The following PSME3IP1 variants were observed in gnomAD, a reference collection of about 807,000 sequenced individuals.
The protein encoded by PSME3IP1 is PSME3-interacting protein.
A neutral mutation model predicts 34.1 loss-of-function variants in PSME3IP1; 13 were observed. The observed-to-expected ratio is 0.38, with a 90% CI of 0.25 to 0.61. The LOEUF is 0.61. Among genes scored for constraint, PSME3IP1 ranks in the 20% least tolerant of loss-of-function variants. The probability of loss-of-function intolerance (pLI) is 0.60; values close to 1 mark genes in which losing one functional copy is unlikely to be tolerated. For missense variants in PSME3IP1, 237 were observed against 301.4 expected, an observed-to-expected ratio of 0.79 and a Z score of 1.58; for synonymous variants, 93 against 114.3, an observed-to-expected ratio of 0.81 and a Z score of 1.19.
intron 6 of PSME3IP1, among the ~76,000 whole-genome samples, chr16:57,157,244 C>G (rs1265061454): frequency 6.7e-6 from 1 of 149,466 alleles, no homozygotes; most frequent in Non-Finnish European, 1.5e-5. Context: ...ACTGGCGAAG[C>G]TGAGGCTGCA....
intron 1 of PSME3IP1, among the ~76,000 whole-genome samples, chr16:57,176,860 AT>A (rs201874057): frequency 1.2e-3 from 174 of 147,228 alleles, no homozygotes; most frequent in East Asian, 2.6e-3. Context: ...TATATATATA[AT>A]TTTTTTTTTT....
At chr16:57,164,698 T>C (rs1196763803) in intron 5 of PSME3IP1, among the ~76,000 whole-genome samples, 1 of 152,218 alleles carries the variant, frequency 6.6e-6, no homozygotes, top group African/African-American at 2.4e-5. Context: ...TACTAGTTGG[T>C]ATTTTCTTGC....
At chr16:57,175,879 C>T (rs2073125276) in intron 1 of PSME3IP1, among the ~76,000 whole-genome samples, 1 of 152,176 alleles carries the variant, frequency 6.6e-6, no homozygotes, top group African/African-American at 2.4e-5. Flanking sequence ...GCTGAAAAAA[C>T]AAACCCAAAC....
intron 4 of PSME3IP1, 25 bp from the exon 5 acceptor site, chr16:57,167,251 C>T (rs371497029): frequency 1.2e-6 from 2 of 1,614,102 alleles, no homozygotes; most frequent in African/African-American, 1.3e-5. Context: ...AAGGGTCAAA[C>T]TAAGCAAAAG....
intron 1 of PSME3IP1, among the ~76,000 whole-genome samples, chr16:57,182,003 C>T (rs1415813608): frequency 2.0e-5 from 3 of 152,152 alleles, no homozygotes; most frequent in Admixed American, 6.5e-5. Flanking sequence ...GTCATCAGCT[C>T]GTCTGCCTTC....
At chr16:57,165,906 T>A (rs1395093997) in intron 5 of PSME3IP1, among the ~76,000 whole-genome samples, 5 of 151,202 alleles carry the variant, frequency 3.3e-5, no homozygotes, top group African/African-American at 1.2e-4. Flanking sequence ...TCTCAAGGGA[T>A]AACAAATTGA....
chr16:57,165,170 T>C (rs1308622154), intron 5 of PSME3IP1, among the ~76,000 whole-genome samples: 1 of 151,862 alleles, frequency 6.6e-6, no homozygotes, highest in Non-Finnish European at 1.5e-5. Context: ...TATATATATA[T>C]ATCATCATAA....
intron 5 of PSME3IP1, among the ~76,000 whole-genome samples, chr16:57,164,982 G>A (rs1228514635): frequency 1.3e-5 from 2 of 149,440 alleles, no homozygotes; most frequent in Admixed American, 1.3e-4. Context: ...CCAAGATTGC[G>A]CCATTGCACT....
Position 57,172,281 on chromosome 16 carries a change from T to G in PSME3IP1, c.318A>C (p.Glu106Asp), listed in dbSNP as rs765089690. 1.9e-6 allele frequency: 3 copies of G among 1,613,784 alleles called. No individual in the cohort carries two copies. The highest frequency in any genetic ancestry group is 2.5e-6 in the Non-Finnish European group (3 of 1,180,022). Residue 106 changes from glutamate to aspartate, a missense_variant, in exon 4 of 7, where the codon GAA (glutamate) becomes GAC (aspartate). Physicochemically the swap from Glu to Asp is conservative, Grantham distance 45. Coordinates refer to ENST00000309137, the MANE Select transcript of PSME3IP1 (RefSeq NM_024946.4). The part of the protein sequence containing the change: ...QQELIEKQRR[E>D]EELKELKEYR... ...ATTCCTTCAGTTCTTTCAGTTCTTCTTCTCTTCGTTGCTTTTCTATTAGTT... is the reference window on the plus strand; with the variant it reads ...ATTCCTTCAGTTCTTTCAGTTCTTCGTCTCTTCGTTGCTTTTCTATTAGTT...
chr16:57,181,761 T>A (rs1266095867), intron 1 of PSME3IP1: 1 of 152,200 alleles, frequency 6.6e-6, no homozygotes, highest in Non-Finnish European at 1.5e-5. Context: ...AGAGGAACAC[T>A]TTACTTACAT....
Position 57,185,882 on chromosome 16 carries a change from G to A in PSME3IP1, c.-77C>T, listed in dbSNP as rs979721384. The A allele has an allele frequency of 1.1e-5, 11 of 983,668 alleles. No homozygotes were observed. In the African/African-American group the frequency reaches 1.9e-4, roughly 17 times the overall value. The allele number at this position is 983,668 out of a possible 1,614,324, so 60.9% of individuals were successfully genotyped here. A position where few individuals can be genotyped will look rare whatever the true frequency, so the allele number is the denominator to read the frequency against. ...GCGGCGCCCACCCCAAACCGCCACC[G>A]CAGAGCCGCTCGCTCTTAAAAAAGA... is the stretch of plus-strand genomic sequence containing the variant. On this transcript the variant is annotated 5_prime_UTR_variant, in exon 1 of 7. Coordinates refer to ENST00000309137, the MANE Select transcript of PSME3IP1 (RefSeq NM_024946.4).
chr16:57,185,717 G>C, intron 1 of PSME3IP1, 104 bp downstream of exon 1: 1 of 985,530 alleles, frequency 1.0e-6, no homozygotes. Context: ...CGCGGACTGA[G>C]AACAGGCCTG....
chr16:57,156,559 T>C (rs1184754370), intron 6 of PSME3IP1, among the ~76,000 whole-genome samples: 16 of 152,070 alleles, frequency 1.1e-4, no homozygotes, highest in Non-Finnish European at 1.2e-4. Flanking sequence ...AGATAAGCAA[T>C]GTTAAAACAC....
At position 57,152,720 on chromosome 16, in the gene PSME3IP1, C is replaced by G. The variant is rs1224888282; in HGVS notation, c.*1570G>C. The stretch of plus-strand genomic sequence containing the variant: ...GAAGCAGAGAAGCAGAAGGTGCCTA[C>G]AAAGTTTTACCTAAATGTCTTGTTT... On this transcript the variant is annotated 3_prime_UTR_variant, in exon 7 of 7. Transcript: ENST00000309137. 1 of 152,698 alleles carries G rather than the reference C, an allele frequency of 6.5e-6. No homozygotes were observed. The highest frequency in any genetic ancestry group is 1.5e-5 in the Non-Finnish European group (1 of 68,060). 9.5% of individuals were successfully genotyped at this position (152,698 alleles called of 1,614,324 possible). A position where few individuals can be genotyped will look rare whatever the true frequency, so the allele number is the denominator to read the frequency against.
intron 2 of PSME3IP1, 26 bp downstream of exon 2, chr16:57,173,702 C>T: frequency 6.2e-7 from 1 of 1,612,462 alleles, no homozygotes; most frequent in Non-Finnish European, 8.5e-7. Flanking sequence ...GGATTAAAGA[C>T]CATTATACTG....
At chr16:57,175,171 C>G (rs537954246) in intron 1 of PSME3IP1, among the ~76,000 whole-genome samples, 2 of 152,004 alleles carry the variant, frequency 1.3e-5, no homozygotes, top group Non-Finnish European at 2.9e-5. Context: ...TGTGCCAACA[C>G]GCCCAGCTAA....
At chr16:57,178,219 T>C (rs1007081374) in intron 1 of PSME3IP1, among the ~76,000 whole-genome samples, 7 of 152,228 alleles carry the variant, frequency 4.6e-5, no homozygotes, top group African/African-American at 1.4e-4. Context: ...CTGTTCCCTC[T>C]GCCAGGAATG....
intron 1 of PSME3IP1, chr16:57,178,795 G>T (rs935215226): frequency 6.1e-6 from 6 of 985,310 alleles, no homozygotes; most frequent in Non-Finnish European, 6.0e-6. Flanking sequence ...CTTATCCTGC[G>T]AAAGCAGTAC....
In PSME3IP1 at chr16:57,183,408, T is replaced by C. The variant is rs756228984; in HGVS notation, c.-16+2413A>G. ...AGTGCAGTGGCATGATCTCAGCTCA[T>C]TGCAACCTCCACCTCCCAGGTTCAA... On this transcript the variant is annotated intron_variant, in intron 1 of 6. Coordinates refer to ENST00000309137, the MANE Select transcript of PSME3IP1 (RefSeq NM_024946.4). Among the ~76,000 whole-genome samples the C allele has an allele frequency of 1.1e-4, 16 of 152,236 alleles. No individual in the cohort carries two copies. In the East Asian group the frequency reaches 1.7e-3, roughly 17 times the overall value.
Sources: allele counts gnomAD v4.1 joint callset (sites outside exome capture counted in the v4.1 genomes callset), GRCh38; gene constraint gnomAD v4.1.1; transcripts MANE v1.5; gene names NCBI Gene and HGNC (gene_info 2026-07-23, HGNC 2026-07-21).